Variants in SP110 observed in about 807,000 individuals in gnomAD.
The protein encoded by SP110 is interferon-induced protein 41, 30kD.
A neutral mutation model predicts 92.7 loss-of-function variants in SP110; 62 were observed. That is an observed-to-expected ratio of 0.67 (90% CI 0.55 to 0.83). The LOEUF is 0.83. Among genes scored for constraint, SP110 ranks in the 40% least tolerant of loss-of-function variants. The probability of loss-of-function intolerance (pLI) is 0.00; values close to 1 mark genes in which losing one functional copy is unlikely to be tolerated. For missense variants in SP110, 793 were observed against 863.9 expected (o/e 0.92, Z 1.03); for synonymous variants, 273 against 305.3 (o/e 0.89, Z 1.10).
intron 10 of SP110, among the ~76,000 whole-genome samples, chr2:230,190,922 T>A (rs980081900): frequency 6.6e-6 from 1 of 152,200 alleles, no homozygotes; most frequent in Non-Finnish European, 1.5e-5. Context: ...TATATGTCTG[T>A]TTTGGTACCA....
chr2:230,200,916 C>A lies in SP110; in HGVS notation c.1098G>T (p.Lys366Asn). ...SEMNEGKRSQ[K>N]TPSTPRRVTQ... ...TGACCCTTCGTGGTGTACTAGGCGT[C>A]TTCTGGGACCTCTTTCCTTCATTCA... The change falls in exon 10 of 19, where the codon AAG becomes AAT. Residue 366 changes from lysine to asparagine, a missense_variant. By Grantham distance (94) the Lys-to-Asn change is moderately conservative. Coordinates refer to ENST00000258381, the MANE Select transcript of SP110 (RefSeq NM_080424.4). 4 of 1,613,988 alleles carry A rather than the reference C, an allele frequency of 2.5e-6. No homozygotes were observed. The highest frequency in any genetic ancestry group is 3.4e-6 in the Non-Finnish European group (4 of 1,179,872).
At chr2:230,201,942 C>T (rs567120109) in intron 9 of SP110, among the ~76,000 whole-genome samples, 8 of 152,274 alleles carry the variant, frequency 5.3e-5, no homozygotes, top group African/African-American at 1.9e-4. Context: ...AATTACCTCA[C>T]CCTTTTAAAC....
At chr2:230,175,386 T>A (rs1574599168) in intron 14 of SP110, among the ~76,000 whole-genome samples, 1 of 151,696 alleles carries the variant, frequency 6.6e-6, no homozygotes. Context: ...AAGAAAAGTT[T>A]AAAAAAAAAC....
intron 5 of SP110, 93 bp downstream of exon 5, chr2:230,212,254 C>T (rs546249240): frequency 2.1e-5 from 20 of 933,492 alleles, no homozygotes; most frequent in Admixed American, 5.5e-5. Context: ...TTCTTTTTCC[C>T]AGGGTTCCCA....
chr2:230,198,344 G>A (rs183495652), intron 10 of SP110, among the ~76,000 whole-genome samples: 14 of 152,316 alleles, frequency 9.2e-5, no homozygotes, highest in African/African-American at 3.1e-4. Context: ...CAAGGGGGAT[G>A]ATAATGGAGC....
intron 10 of SP110, among the ~76,000 whole-genome samples, chr2:230,193,099 T>C (rs2042709007): frequency 6.6e-6 from 1 of 152,256 alleles, no homozygotes; most frequent in Non-Finnish European, 1.5e-5. Context: ...TTTATCATTA[T>C]ATAATGACCT....
intron 12 of SP110, among the ~76,000 whole-genome samples, chr2:230,179,768 A>T (rs2042044133): frequency 6.6e-6 from 1 of 151,758 alleles, no homozygotes; most frequent in Non-Finnish European, 1.5e-5. Context: ...GGGAACACAA[A>T]TGTCCCAAAC....
At chr2:230,172,546 G>T (rs375823465) in intron 15 of SP110, 1 of 525,568 alleles carries the variant, frequency 1.9e-6, no homozygotes, top group East Asian at 3.3e-5. Context: ...GTGACAAGCC[G>T]TGCTTCCTGT....
chr2:230,173,415 A>C, intron 14 of SP110: 1 of 226,640 alleles, frequency 4.4e-6, no homozygotes, highest in South Asian at 6.4e-5. Context: ...TCGTAACATA[A>C]CATGGCCCTA....
chr2:230,212,514 T>C, intron 4 of SP110, 84 bp from the exon 5 acceptor site: 2 of 1,195,486 alleles, frequency 1.7e-6, no homozygotes, highest in East Asian at 2.3e-5. Context: ...CTGGGGCAGA[T>C]AGAGCATCAA....
In SP110 at chr2:230,186,097, C is replaced by T. The variant is rs376997701; in HGVS notation, c.1176G>A (p.Val392=). 9.3e-6 allele frequency: 15 copies of T among 1,614,104 alleles called. No individual in the cohort carries two copies. In the East Asian group the frequency reaches 1.6e-4, roughly 17 times the overall value. Reference sequence around the variant, plus strand: ...CGTCTTTCCTTTGAGTCACCTTATCCACCACTTGGAGCTTCTCTTGGATGC... The same window carrying T: ...CGTCTTTCCTTTGAGTCACCTTATCTACCACTTGGAGCTTCTCTTGGATGC... ...GHGIQEKLQV[V]DKVTQRKDDS... is the part of the protein sequence containing the mutation. The change falls in exon 11 of 19, where the codon GTG becomes GTA. Residue 392 remains valine, a synonymous_variant. Coordinates refer to ENST00000258381, the MANE Select transcript of SP110 (RefSeq NM_080424.4).
At chr2:230,169,343 C>A in intron 18 of SP110, 106 bp from the exon 19 acceptor site, 1 of 749,126 alleles carries the variant, frequency 1.3e-6, no homozygotes, top group East Asian at 2.6e-5. Context: ...GGGTCTTTCC[C>A]CGTCACCCAG....
At chr2:230,173,856 C>T (rs2041727256) in intron 14 of SP110, 1 of 152,164 alleles carries the variant, frequency 6.6e-6, no homozygotes. Flanking sequence ...GCGCCTATTT[C>T]AACAGATCTC....
intron 14 of SP110, 116 bp downstream of exon 14, chr2:230,177,422 C>T: frequency 9.0e-7 from 1 of 1,117,258 alleles, no homozygotes; most frequent in Non-Finnish European, 1.4e-6. Context: ...ACATTTAACT[C>T]CTTATAAATC....
chr2:230,222,663 C>T (rs35359166), upstream of SP110, among the ~76,000 whole-genome samples: 1 of 150,938 alleles, frequency 6.6e-6, no homozygotes, highest in Admixed American at 6.6e-5. Context: ...GGTCCAGTCT[C>T]TGGTGAGCAG....
At chr2:230,212,292 G>T in intron 5 of SP110, 55 bp downstream of exon 5, 1 of 1,315,122 alleles carries the variant, frequency 7.6e-7, no homozygotes, top group Non-Finnish European at 1.1e-6. Context: ...GCAGACGCAT[G>T]TTCTCCCTTC....
intron 14 of SP110, chr2:230,176,558 C>T (rs2041866755): frequency 6.2e-6 from 10 of 1,606,464 alleles, no homozygotes; most frequent in Middle Eastern, 1.7e-4. Flanking sequence ...TTGAAGATGC[C>T]ATGCCCAAAT....
intron 4 of SP110, 89 bp downstream of exon 4, chr2:230,212,672 T>C: frequency 6.5e-7 from 1 of 1,530,720 alleles, no homozygotes. Flanking sequence ...ACTAGGACAA[T>C]AAAAGTCAAG....
chr2:230,220,150 G>A (rs2045683222), upstream of SP110: 1 of 898,386 alleles, frequency 1.1e-6, no homozygotes, highest in Middle Eastern at 5.8e-4. Flanking sequence ...TGGGGTTTGG[G>A]GGAGGGCGTG....
Sources: allele counts gnomAD v4.1 joint callset (sites outside exome capture counted in the v4.1 genomes callset), GRCh38; gene constraint gnomAD v4.1.1; transcripts MANE v1.5; gene names NCBI Gene and HGNC (gene_info 2026-07-23, HGNC 2026-07-21).